TRHDE: variants seen among roughly 807,000 people sequenced by gnomAD.
TRHDE encodes thyrotropin-releasing hormone-degrading ectoenzyme.
Under a neutral mutation model 125.7 loss-of-function variants are expected in TRHDE, and 72 were observed. That is an observed-to-expected ratio of 0.57 (90% CI 0.47 to 0.70). TRHDE has a LOEUF of 0.70. Ranked by LOEUF, TRHDE falls within the 30% of genes least tolerant of loss-of-function variation. TRHDE has a pLI of 0.00. For synonymous variants in TRHDE, 509 were observed against 509.1 expected (o/e 1.00, Z 0.00); for missense variants, 1,110 against 1,327.1 (o/e 0.84, Z 2.54).
rs987591550 is a variant in TRHDE, at chr12:72,177,123, G to GT, written n.279+71382dup. ...GATATGTGTCGGAGCATCACCAAAG[G>GT]TTTTTTTTTTTATTGGAAATTGCTA... On this transcript the variant is annotated intron_variant and non_coding_transcript_variant, in intron 2 of 4. Transcript: ENST00000548156. Among the ~76,000 whole-genome samples, 863 of 144,604 alleles carry GT rather than the reference G, an allele frequency of 6.0e-3. 9 individuals are homozygous for GT. The highest frequency in any genetic ancestry group is 0.018 in the African/African-American group (705 of 39,630). 94.9% of individuals were successfully genotyped at this position (144,604 alleles called of 152,430 possible).
chr12:72,371,321 C>G (rs1371626398), intron 2 of TRHDE, among the ~76,000 whole-genome samples: 1 of 150,464 alleles, frequency 6.6e-6, no homozygotes, highest in Non-Finnish European at 1.5e-5. Context: ...AAAGTTGTAT[C>G]TAGTAGGCAT....
At chr12:72,584,774 C>T (rs1256260119) in intron 12 of TRHDE, among the ~76,000 whole-genome samples, 1 of 151,984 alleles carries the variant, frequency 6.6e-6, no homozygotes, top group Non-Finnish European at 1.5e-5. Context: ...GTGTATATAC[C>T]ACATTTTCTT....
chr12:72,284,585 G>C (rs776278201), intron 1 of TRHDE, among the ~76,000 whole-genome samples: 34 of 152,070 alleles, frequency 2.2e-4, no homozygotes, highest in Non-Finnish European at 3.1e-4. Flanking sequence ...TGGCAAATTG[G>C]GAAAGAAGAA....
At chr12:72,544,352 G>A (rs912929611) in intron 7 of TRHDE, among the ~76,000 whole-genome samples, 1 of 151,370 alleles carries the variant, frequency 6.6e-6, no homozygotes, top group Admixed American at 6.6e-5. Flanking sequence ...GAAGGCCCTG[G>A]GGAGTCTTGG....
chr12:72,620,035 C>T (rs1364753439), intron 13 of TRHDE, among the ~76,000 whole-genome samples: 1 of 151,872 alleles, frequency 6.6e-6, no homozygotes, highest in Non-Finnish European at 1.5e-5. Context: ...GCCCTTAGAA[C>T]AGACATGCAA....
At chr12:72,245,334 G>A (rs1878556550) in intron 2 of TRHDE, among the ~76,000 whole-genome samples, 1 of 151,334 alleles carries the variant, frequency 6.6e-6, no homozygotes, top group Non-Finnish European at 1.5e-5. Flanking sequence ...TATAGATATA[G>A]ATAAGAATGA....
intron 3 of TRHDE, among the ~76,000 whole-genome samples, chr12:72,391,727 T>C (rs1872617838): frequency 6.6e-6 from 1 of 152,184 alleles, no homozygotes; most frequent in South Asian, 2.1e-4. Flanking sequence ...GTGTCAATTT[T>C]TATTAGTATT....
intron 6 of TRHDE, 122 bp from the exon 7 acceptor site, chr12:72,542,169 T>C (rs1869183354): frequency 1.7e-6 from 1 of 595,690 alleles, no homozygotes; most frequent in Non-Finnish European, 2.7e-6. Flanking sequence ...ATGATACTGC[T>C]GTTTCTTAAT....
In TRHDE at chr12:72,666,183, A is replaced by T. The variant is rs1312316709; in HGVS notation, c.*2988A>T. On this transcript the variant is annotated 3_prime_UTR_variant, in exon 19 of 19. Transcript: ENST00000261180. Reference sequence around the variant, plus strand: ...GTTTTATTTGACTCATCACAAAAACATAATAAATGTTGTGAGCCCTAATAT... The same window carrying T: ...GTTTTATTTGACTCATCACAAAAACTTAATAAATGTTGTGAGCCCTAATAT... 1.3e-5 allele frequency: 2 copies of T among 152,130 alleles called. No homozygotes were observed. Among genetic ancestry groups the T allele is most frequent in the African/African-American group, 2.4e-5 (1 of 41,446 alleles). The allele number at this position is 152,130 out of a possible 1,614,324, so 9.4% of individuals were successfully genotyped here.
intron 2 of TRHDE, among the ~76,000 whole-genome samples, chr12:72,360,448 G>T (rs1298296414): frequency 6.6e-6 from 1 of 151,748 alleles, no homozygotes; most frequent in Non-Finnish European, 1.5e-5. Flanking sequence ...AAGGCAGTTT[G>T]CAGAAGAGAA....
At chr12:72,344,100 A>C (rs1870206874) in intron 2 of TRHDE, among the ~76,000 whole-genome samples, 1 of 152,224 alleles carries the variant, frequency 6.6e-6, no homozygotes, top group Non-Finnish European at 1.5e-5. Flanking sequence ...TTCAATAATC[A>C]CTGTATTGGA....
intron 10 of TRHDE, among the ~76,000 whole-genome samples, chr12:72,568,994 C>A (rs1870591434): frequency 6.6e-6 from 1 of 151,760 alleles, no homozygotes; most frequent in Non-Finnish European, 1.5e-5. Context: ...GTGCCAAATA[C>A]TGAAAACACA....
At chr12:72,652,196 G>A in intron 15 of TRHDE, 126 bp from the exon 16 acceptor site, 1 of 506,314 alleles carries the variant, frequency 2.0e-6, no homozygotes, top group South Asian at 7.6e-5. Context: ...TCTGTTTCAG[G>A]TAAAATCTAA....
In TRHDE at chr12:72,273,327, C is replaced by T. The variant is rs1246282534; in HGVS notation, c.684C>T (p.His228=). The change falls in exon 1 of 19, where the codon CAC becomes CAT. Residue 228 remains histidine (H), a synonymous_variant. Transcript: ENST00000261180. This position sits in a 1 kb window ranked among gnomAD's most constrained non-coding sequence, Gnocchi z 5.3. ...CRNATRYVVL[H]ASRVAVEKVQ... ...ACGCCACCCGCTACGTAGTGCTGCA[C>T]GCTTCCCGAGTGGCGGTGGAGAAAG... 1.2e-6 allele frequency: 2 copies of T among 1,614,102 alleles called. No homozygotes were observed. Among genetic ancestry groups the T allele is most frequent in the Admixed American group, 1.7e-5 (1 of 60,036 alleles).
At chr12:72,467,870 A>T (rs1217470717) in intron 3 of TRHDE, among the ~76,000 whole-genome samples, 1 of 152,232 alleles carries the variant, frequency 6.6e-6, no homozygotes, top group Non-Finnish European at 1.5e-5. Flanking sequence ...GATAATTTTT[A>T]AAGTCAGGAA....
chr12:72,287,067 ATTCT>A, intron 2 of TRHDE, 113 bp downstream of exon 2: 4 of 1,140,750 alleles, frequency 3.5e-6, no homozygotes, highest in Non-Finnish European at 4.9e-6. Context: ...ATATAGTGGA[ATTCT>A]TTCTTTAATT....
chr12:72,334,306 G>A (rs113475823), intron 2 of TRHDE, among the ~76,000 whole-genome samples: 2 of 152,124 alleles, frequency 1.3e-5, no homozygotes, highest in African/African-American at 2.4e-5. Context: ...GGTTCAATCC[G>A]ATTCTTCATG....
At chr12:72,455,356 A>G (rs1197725053) in intron 3 of TRHDE, among the ~76,000 whole-genome samples, 4 of 152,340 alleles carry the variant, frequency 2.6e-5, no homozygotes, top group Middle Eastern at 3.4e-3. Context: ...AAAAATCTGC[A>G]TACTTTATAC....
chr12:72,605,165 A>G (rs997218588), intron 12 of TRHDE, among the ~76,000 whole-genome samples: 3 of 152,126 alleles, frequency 2.0e-5, no homozygotes, highest in Admixed American at 6.6e-5. Flanking sequence ...GATGTTTTAT[A>G]AACTATAAGT....
Sources: allele counts gnomAD v4.1 joint callset (sites outside exome capture counted in the v4.1 genomes callset), GRCh38; gene constraint gnomAD v4.1.1; non-coding constraint Gnocchi (gnomAD v3.1); transcripts MANE v1.5; gene names NCBI Gene and HGNC (gene_info 2026-07-23, HGNC 2026-07-21).